Variants in ZDHHC21 observed in about 807,000 individuals in gnomAD.
ZDHHC21 encodes zDHHC palmitoyltransferase 21.
In ZDHHC21, 15 loss-of-function variants were observed where a neutral mutation model predicts 34.6. The ratio of observed to expected loss-of-function variants is 0.43; its 90% CI spans 0.29 to 0.67. The LOEUF (loss-of-function observed/expected upper bound fraction) is 0.67, where lower values mean the gene tolerates loss of function less well. Ranked by LOEUF, ZDHHC21 falls within the 30% of genes least tolerant of loss-of-function variation. The pLI, the probability that ZDHHC21 is intolerant of heterozygous loss-of-function variation, is 0.14. For synonymous variants in ZDHHC21, 142 were observed against 101.8 expected (o/e 1.40, Z -2.38); for missense variants, 344 against 327.7 (o/e 1.05, Z -0.38).
chr9:14,605,031 C>T, the ZDHHC21 span, among the ~76,000 whole-genome samples: 2 of 152,160 alleles, frequency 1.3e-5, no homozygotes, highest in African/African-American at 4.8e-5. Context: ...CAGCATCTGA[C>T]AGTATTTCCT....
At chr9:14,657,749 G>T (rs887065350) in intron 7 of ZDHHC21, among the ~76,000 whole-genome samples, 11 of 152,022 alleles carry the variant, frequency 7.2e-5, no homozygotes, top group Non-Finnish European at 1.2e-4. Flanking sequence ...TTACCTCTTA[G>T]CCTGTCTTTG....
At chr9:14,683,004 C>T (rs558785187) in intron 2 of ZDHHC21, among the ~76,000 whole-genome samples, 2 of 152,302 alleles carry the variant, frequency 1.3e-5, no homozygotes, top group Non-Finnish European at 2.9e-5. Context: ...ACAGACACAA[C>T]ATACCAGAAT....
intron 8 of ZDHHC21, among the ~76,000 whole-genome samples, chr9:14,637,105 T>A (rs1300046820): frequency 6.6e-6 from 1 of 151,548 alleles, no homozygotes; most frequent in Non-Finnish European, 1.5e-5. Flanking sequence ...AAAGAAGCAA[T>A]AAGACAAAAA....
rs1824567433 is a variant in ZDHHC21 at position 14,618,002 on chromosome 9, G to A, written c.*964C>T. ...TACATCTACTAGTACATAAATAAAA[G>A]TAAAAAGTATACTCTTTTCAAAAGC... On this transcript the variant is annotated 3_prime_UTR_variant, in exon 10 of 10. Coordinates refer to ENST00000380916, the MANE Select transcript of ZDHHC21 (RefSeq NM_178566.6). 1 of 152,256 alleles carries A rather than the reference G, an allele frequency of 6.6e-6. No individual in the cohort carries two copies. The highest frequency in any genetic ancestry group is 6.6e-5 in the Admixed American group (1 of 15,226). 9.4% of individuals were successfully genotyped at this position (152,256 alleles called of 1,614,324 possible). A position where few individuals can be genotyped will look rare whatever the true frequency, so the allele number is the denominator to read the frequency against.
chr9:14,642,177 A>T (rs907330982), intron 7 of ZDHHC21, among the ~76,000 whole-genome samples: 1 of 152,008 alleles, frequency 6.6e-6, no homozygotes, highest in Admixed American at 6.5e-5. Flanking sequence ...TACAGTAGTA[A>T]AAAAACTTTA....
Position 14,639,910 on chromosome 9 carries a change from T to C in ZDHHC21, c.607A>G (p.Ile203Val), listed in dbSNP as rs764701811. Residue 203 changes from isoleucine (I) to valine (V), a missense_variant, in exon 8 of 10, where the codon ATT becomes GTT. Ile to Val is a conservative substitution (Grantham distance 29). Coordinates refer to ENST00000380916, the MANE Select transcript of ZDHHC21 (RefSeq NM_178566.6). ...AATATACTTACTGTGATGATGCCAA[T>C]TAGTTGAGTGTAAAAGAGTCCAGTT... ...GITGLFYTQL[I>V]GIITDTTSIE... The C allele has an allele frequency of 1.9e-6, 3 of 1,584,852 alleles. No homozygotes were observed. Among genetic ancestry groups the C allele is most frequent in the African/African-American group, 1.3e-5 (1 of 74,146 alleles).
In ZDHHC21 at chr9:14,689,269, C is replaced by G. The variant is rs1838817534; in HGVS notation, c.-176+1068G>C. ...GAATGAATGAACTGAAGCCCCTAAACTAAATCACATTCAAGTAAAAGCAGG... is the reference window on the plus strand; with the variant it reads ...GAATGAATGAACTGAAGCCCCTAAAGTAAATCACATTCAAGTAAAAGCAGG... On this transcript the variant is annotated intron_variant, in intron 2 of 9. Coordinates refer to ENST00000380916, the MANE Select transcript of ZDHHC21 (RefSeq NM_178566.6). 2.6e-5 allele frequency among the ~76,000 whole-genome samples: 4 copies of G among 152,232 alleles called. No homozygotes were observed. The South Asian group carries it at 8.3e-4, about 32-fold the overall frequency.
chr9:14,592,345 T>C, the ZDHHC21 span, among the ~76,000 whole-genome samples: 5 of 152,004 alleles, frequency 3.3e-5, no homozygotes, highest in Non-Finnish European at 7.4e-5. Flanking sequence ...CCTTCCTCTT[T>C]CTCTTTTAAA....
At chr9:14,658,928 C>T in intron 6 of ZDHHC21, 41 bp from the exon 7 acceptor site, 1 of 1,579,800 alleles carries the variant, frequency 6.3e-7, no homozygotes. Flanking sequence ...TTTTAAATTT[C>T]AAGAAGTTCA....
intron 7 of ZDHHC21, among the ~76,000 whole-genome samples, chr9:14,640,628 A>T (rs1395506703): frequency 1.3e-5 from 2 of 152,168 alleles, no homozygotes; most frequent in East Asian, 3.8e-4. Context: ...TATAAATGAT[A>T]AAAATATGGT....
the ZDHHC21 span, among the ~76,000 whole-genome samples, chr9:14,592,682 T>C: frequency 6.6e-6 from 1 of 152,188 alleles, no homozygotes; most frequent in Admixed American, 6.5e-5. Context: ...CTGACATTTA[T>C]AGAATACTGT....
intron 7 of ZDHHC21, among the ~76,000 whole-genome samples, chr9:14,657,760 T>A (rs1832525071): frequency 6.6e-6 from 1 of 152,326 alleles, no homozygotes. Flanking sequence ...CCTGTCTTTG[T>A]TTTTCATTAA....
chr9:14,621,226 AAGATCAC>A (rs1825254590), intron 8 of ZDHHC21, among the ~76,000 whole-genome samples: 1 of 152,068 alleles, frequency 6.6e-6, no homozygotes, highest in Non-Finnish European at 1.5e-5. Context: ...TGAATGGCCT[AAGATCAC>A]AGATGTGGAC....
chr9:14,655,722 T>A (rs948559510), intron 7 of ZDHHC21, among the ~76,000 whole-genome samples: 2 of 151,774 alleles, frequency 1.3e-5, no homozygotes, highest in African/African-American at 2.4e-5. Context: ...GAATTTTTTT[T>A]AAATTAGAAA....
chr9:14,668,671 AG>A (rs940866614), intron 5 of ZDHHC21, among the ~76,000 whole-genome samples: 27 of 149,414 alleles, frequency 1.8e-4, no homozygotes, highest in African/African-American at 6.6e-4. Context: ...CCAATGGAAC[AG>A]AACAGAGCCC....
At chr9:14,621,051 T>A (rs1399305163) in intron 8 of ZDHHC21, among the ~76,000 whole-genome samples, 1 of 152,050 alleles carries the variant, frequency 6.6e-6, no homozygotes, top group Admixed American at 6.6e-5. Flanking sequence ...GGGCTTCAGG[T>A]TCCACATCTG....
the ZDHHC21 span, among the ~76,000 whole-genome samples, chr9:14,592,440 C>T: frequency 6.6e-6 from 1 of 151,752 alleles, no homozygotes. Flanking sequence ...TGTTATAAAC[C>T]CAACAGTACA....
At position 14,614,613 on chromosome 9, in the gene ZDHHC21, A is replaced by G. The variant is rs1306676084; in HGVS notation, c.*4353T>C. The G allele has an allele frequency of 1.3e-5, 2 of 151,810 alleles. No homozygotes were observed. Among genetic ancestry groups the G allele is most frequent in the African/African-American group, 4.8e-5 (2 of 41,432 alleles). 9.4% of individuals were successfully genotyped at this position (151,810 alleles called of 1,614,324 possible). On this transcript the variant is annotated 3_prime_UTR_variant, in exon 10 of 10. Coordinates refer to ENST00000380916, the MANE Select transcript of ZDHHC21 (RefSeq NM_178566.6). ...TGAGAATGACTAAATATAGAGCACA[A>G]TGAAATCTGTGATTTATAATAAATT...
At position 14,617,921 on chromosome 9, in the gene ZDHHC21, T is replaced by C. The variant is rs1824551400; in HGVS notation, c.*1045A>G. The C allele has an allele frequency of 6.6e-6, 1 of 152,020 alleles. No individual in the cohort carries two copies. Among genetic ancestry groups the C allele is most frequent in the South Asian group, 2.1e-4 (1 of 4,826 alleles). 9.4% of individuals were successfully genotyped at this position (152,020 alleles called of 1,614,324 possible). ...GACTTTTTTTAGTAGTAGCTTCCTATAAATAAAATTTCTATATGAGTTGGC... is the reference window on the plus strand; with the variant it reads ...GACTTTTTTTAGTAGTAGCTTCCTACAAATAAAATTTCTATATGAGTTGGC... On this transcript the variant is annotated 3_prime_UTR_variant, in exon 10 of 10. Coordinates refer to ENST00000380916, the MANE Select transcript of ZDHHC21 (RefSeq NM_178566.6).
Sources: gnomAD v4.1 joint callset for allele counts (sites outside exome capture counted in the v4.1 genomes callset) on GRCh38, gnomAD v4.1.1 for gene constraint, MANE v1.5 for transcripts, NCBI Gene and HGNC (gene_info 2026-07-23, HGNC 2026-07-21) for gene names.